The following EP300 variants were observed in gnomAD, a reference collection of about 807,000 sequenced individuals.
The protein encoded by EP300 is EP300 lysine acetyltransferase, also known as histone acetyltransferase p300.
Under a neutral mutation model 264.0 loss-of-function variants are expected in EP300, and 31 were observed. The ratio of observed to expected loss-of-function variants is 0.12; its 90% CI spans 0.09 to 0.16. The LOEUF is 0.16. EP300 is among the 10% of genes least tolerant of loss of function. The pLI is 1.00. For missense variants in EP300, 2,766 were observed against 3,052.9 expected, an observed-to-expected ratio of 0.91 and a Z score of 2.21; for synonymous variants, 1,340 against 1,045.4, an observed-to-expected ratio of 1.28 and a Z score of -5.44.
Position 41,105,081 on chromosome 22 carries a change from C to T in EP300, c.94+11983C>T, listed in dbSNP as rs373168662. Among the ~76,000 whole-genome samples the T allele has an allele frequency of 4.8e-3, 731 of 151,518 alleles. 4 individuals carry two copies. The highest frequency in any genetic ancestry group is 0.01 in the Middle Eastern group (3 of 294). ...GCGTAGTGGCGGGCGCCTGTAGTCC[C>T]AGCTACTCAGGAGGCTGAGGCAGGA... On this transcript the variant is annotated intron_variant, in intron 1 of 30. Coordinates refer to ENST00000263253, the MANE Select transcript of EP300 (RefSeq NM_001429.4).
chr22:41,137,815 C>CA (rs779588207), intron 8 of EP300, 25 bp downstream of exon 8: 5 of 1,614,058 alleles, frequency 3.1e-6, no homozygotes, highest in Non-Finnish European at 4.2e-6. Flanking sequence ...GGACACGTCT[C>CA]ATTCGTAAAG....
chr22:41,178,146 G>A lies in EP300; in HGVS notation c.6435G>A (p.Leu2145=). The A allele has an allele frequency of 1.2e-6, 2 of 1,614,150 alleles. No homozygotes were observed. The highest frequency in any genetic ancestry group is 1.7e-6 in the Non-Finnish European group (2 of 1,180,022). ...PMQAGVQRAG[L]PQQQPQQQLQ... Reference sequence around the variant, plus strand: ...AGGCGGGCGTTCAGAGGGCTGGCCTGCCCCAGCAGCAACCACAGCAGCAAC... The same window carrying A: ...AGGCGGGCGTTCAGAGGGCTGGCCTACCCCAGCAGCAACCACAGCAGCAAC... Residue 2145 remains leucine (L), a synonymous_variant, in exon 31 of 31, where the codon CTG becomes CTA. Transcript: ENST00000263253.
chr22:41,111,740 A>G (rs781109884), intron 1 of EP300, among the ~76,000 whole-genome samples: 5 of 151,066 alleles, frequency 3.3e-5, no homozygotes, highest in Non-Finnish European at 7.4e-5. Flanking sequence ...GGGTTTCTCC[A>G]TGTTGCTCAG....
chr22:41,117,768 G>T lies in EP300; in HGVS notation c.676G>T (p.Gly226Cys), dbSNP rs781104062. Reference protein sequence around the residue: ...GNLLTEPLQQGSPQMGGQTGL... With the variant: ...GNLLTEPLQQCSPQMGGQTGL... ...CTTACTGACTGAGCCTCTTCAGCAG[G>T]GCTCTCCCCAGATGGGAGGACAAAC... is the stretch of plus-strand genomic sequence containing the variant. The change falls in exon 2 of 31, where the codon GGC (glycine) becomes TGC (cysteine). Residue 226 changes from glycine to cysteine, a missense_variant. Transcript: ENST00000263253. 5.0e-6 allele frequency: 8 copies of T among 1,614,090 alleles called. No individual in the cohort carries two copies. Among genetic ancestry groups the T allele is most frequent in the Non-Finnish European group, 5.1e-6 (6 of 1,180,050 alleles).
intron 6 of EP300, 82 bp from the exon 7 acceptor site, chr22:41,135,731 A>G: frequency 8.9e-7 from 1 of 1,120,006 alleles, no homozygotes; most frequent in Middle Eastern, 2.0e-4. Context: ...CTGATTTGTC[A>G]TTTGTTTCTT....
chr22:41,156,180 AT>A (rs1421793331), intron 17 of EP300, among the ~76,000 whole-genome samples: 2 of 151,674 alleles, frequency 1.3e-5, no homozygotes, highest in Non-Finnish European at 2.9e-5. Context: ...TGCCCGGCTA[AT>A]TTTGTATTTT....
Position 41,177,287 on chromosome 22 carries a change from C to G in EP300, c.5576C>G (p.Thr1859Ser). The part of the protein sequence containing the change: ...SPTPATPTTP[T>S]GQQPTTPQTP... ...ACTCCTGCCACTCCAACGACACCAACTGGCCAACAGCCAACCACCCCGCAG... is the reference window on the plus strand; with the variant it reads ...ACTCCTGCCACTCCAACGACACCAAGTGGCCAACAGCCAACCACCCCGCAG... Residue 1859 changes from threonine (T) to serine (S), a missense_variant, in exon 31 of 31, where the codon ACT becomes AGT. Physicochemically the swap from Thr to Ser is moderately conservative, Grantham distance 58. Transcript: ENST00000263253. 3 of 1,614,126 alleles carry G rather than the reference C, an allele frequency of 1.9e-6. No homozygotes were observed. Among genetic ancestry groups the G allele is most frequent in the Non-Finnish European group, 2.5e-6 (3 of 1,180,022 alleles).
At chr22:41,156,264 C>T (rs943149229) in intron 17 of EP300, among the ~76,000 whole-genome samples, 5 of 152,144 alleles carry the variant, frequency 3.3e-5, no homozygotes, top group Admixed American at 6.5e-5. Context: ...CCACCCACCT[C>T]GGCCTCCCAG....
intron 1 of EP300, among the ~76,000 whole-genome samples, chr22:41,096,894 C>G (rs1024630154): frequency 6.6e-6 from 1 of 152,190 alleles, no homozygotes; most frequent in Admixed American, 6.5e-5. Flanking sequence ...GCTGGGAATA[C>G]AGGCGTGAGC....
chr22:41,119,615 G>A (rs1050388424), intron 2 of EP300, among the ~76,000 whole-genome samples: 1 of 152,008 alleles, frequency 6.6e-6, no homozygotes, highest in African/African-American at 2.4e-5. Context: ...TGCCAGGTAA[G>A]TGCTATGGAG....
rs374633704 is a variant in EP300 at position 41,093,116 on chromosome 22, C to A, written c.94+18C>A. On this transcript the variant is annotated intron_variant, in intron 1 of 30. Coordinates refer to ENST00000263253, the MANE Select transcript of EP300 (RefSeq NM_001429.4). Reference sequence around the variant, plus strand: ...TGGCACAGGTTAGTTTCGGCAGCCCCGGCCTTCCACGTTCCCTTTAATCTT... The same window carrying A: ...TGGCACAGGTTAGTTTCGGCAGCCCAGGCCTTCCACGTTCCCTTTAATCTT... 1 of 1,611,914 alleles carries A rather than the reference C, an allele frequency of 6.2e-7. No individual in the cohort carries two copies. The highest frequency in any genetic ancestry group is 8.5e-7 in the Non-Finnish European group (1 of 1,178,150).
chr22:41,165,767 G>A (rs1257098271), intron 22 of EP300, among the ~76,000 whole-genome samples: 1 of 151,472 alleles, frequency 6.6e-6, no homozygotes, highest in East Asian at 2.0e-4. Flanking sequence ...TTTGTATTTT[G>A]TTATAAGTCA....
At chr22:41,099,465 C>T (rs373304472) in intron 1 of EP300, among the ~76,000 whole-genome samples, 47 of 152,212 alleles carry the variant, frequency 3.1e-4, no homozygotes, top group African/African-American at 1.1e-3. Context: ...CGTTTCTGTC[C>T]GTGTCTTCCA....
At chr22:41,096,976 C>G (rs2058706095) in intron 1 of EP300, among the ~76,000 whole-genome samples, 1 of 152,152 alleles carries the variant, frequency 6.6e-6, no homozygotes, top group Non-Finnish European at 1.5e-5. Flanking sequence ...CTAACCAAAA[C>G]ATTTTGATCA....
intron 5 of EP300, among the ~76,000 whole-genome samples, chr22:41,130,925 A>G (rs2058915399): frequency 6.6e-6 from 1 of 152,196 alleles, no homozygotes; most frequent in East Asian, 1.9e-4. Flanking sequence ...AGTATTGTAC[A>G]GCATTTGAAA....
Position 41,171,029 on chromosome 22 carries a change from T to G in EP300, c.4452+458T>G, listed in dbSNP as rs1405029167. On this transcript the variant is annotated intron_variant, in intron 27 of 30. Transcript: ENST00000263253. ...TCTTGCATGTAATTCCTAAAAATGC[T>G]AATTTGATTGCTTTTATTTTGTATA... is the stretch of plus-strand genomic sequence containing the variant. Among the ~76,000 whole-genome samples the G allele has an allele frequency of 2.0e-5, 3 of 150,638 alleles. No homozygotes were observed. The East Asian group carries it at 5.9e-4, about 29-fold the overall frequency.
At chr22:41,109,032 T>G (rs1314190692) in intron 1 of EP300, among the ~76,000 whole-genome samples, 2 of 152,154 alleles carry the variant, frequency 1.3e-5, no homozygotes, top group African/African-American at 4.8e-5. Context: ...CCCAGCACTT[T>G]GGGAGGCCAA....
intron 10 of EP300, among the ~76,000 whole-genome samples, chr22:41,143,647 C>T (rs1325058895): frequency 6.6e-6 from 1 of 151,970 alleles, no homozygotes; most frequent in Non-Finnish European, 1.5e-5. Flanking sequence ...ACCATCTAAG[C>T]TCACTGCAAC....
intron 1 of EP300, among the ~76,000 whole-genome samples, chr22:41,113,419 G>A (rs1438529947): frequency 2.0e-5 from 3 of 151,492 alleles, no homozygotes; most frequent in African/African-American, 4.8e-5. Context: ...TTCCTGTTTC[G>A]TTTATGCTTT....
Sources: gnomAD v4.1 joint callset for allele counts (sites outside exome capture counted in the v4.1 genomes callset) on GRCh38, gnomAD v4.1.1 for gene constraint, MANE v1.5 for transcripts, NCBI Gene and HGNC (gene_info 2026-07-23, HGNC 2026-07-21) for gene names.